SYT17: variants seen among roughly 807,000 people sequenced by gnomAD.
SYT17 encodes synaptotagmin 17.
A neutral mutation model predicts 46.7 loss-of-function variants in SYT17; 22 were observed. That is an observed-to-expected ratio of 0.47 (90% confidence interval 0.34 to 0.67). SYT17 has a LOEUF of 0.67. SYT17 is among the 30% of genes least tolerant of loss of function. The probability of loss-of-function intolerance (pLI) is 0.01; values close to 1 mark genes in which losing one functional copy is unlikely to be tolerated. For synonymous variants in SYT17, 251 were observed against 248.4 expected, an observed-to-expected ratio of 1.01 and a Z score of -0.10; for missense variants, 519 against 612.8, an observed-to-expected ratio of 0.85 and a Z score of 1.62.
At chr16:19,185,955 C>T (rs1964772449) in intron 5 of SYT17, among the ~76,000 whole-genome samples, 1 of 152,198 alleles carries the variant, frequency 6.6e-6, no homozygotes, top group African/African-American at 2.4e-5. Flanking sequence ...TTCCCGTTCA[C>T]TCCTGATGCT....
intron 7 of SYT17, among the ~76,000 whole-genome samples, chr16:19,246,656 T>C (rs1967598458): frequency 6.6e-6 from 1 of 152,198 alleles, no homozygotes; most frequent in Non-Finnish European, 1.5e-5. Flanking sequence ...CACATCTGGG[T>C]ATGTGTATGT....
At chr16:19,174,779 A>C (rs2142518080) in intron 3 of SYT17, among the ~76,000 whole-genome samples, 1 of 152,328 alleles carries the variant, frequency 6.6e-6, no homozygotes, top group South Asian at 2.1e-4. Flanking sequence ...TGGAATGTGG[A>C]AAAGTAGTTA....
intron 7 of SYT17, among the ~76,000 whole-genome samples, chr16:19,231,397 C>T (rs1037294653): frequency 6.6e-6 from 1 of 151,828 alleles, no homozygotes; most frequent in African/African-American, 2.4e-5. Flanking sequence ...ATGGTGTAAC[C>T]CCATTTCTAC....
intron 5 of SYT17, among the ~76,000 whole-genome samples, chr16:19,221,774 GATAA>G (rs1421502776): frequency 6.6e-6 from 1 of 152,194 alleles, no homozygotes; most frequent in Non-Finnish European, 1.5e-5. Flanking sequence ...AATAGACATA[GATAA>G]ATAGATGACT....
At chr16:19,231,469 G>A (rs1966680466) in intron 7 of SYT17, among the ~76,000 whole-genome samples, 1 of 124,660 alleles carries the variant, frequency 8.0e-6, no homozygotes, top group African/African-American at 3.1e-5. Flanking sequence ...TACTCGGGAG[G>A]CTAAGATCAT....
chr16:19,185,565 C>T (rs143348633), intron 5 of SYT17, among the ~76,000 whole-genome samples: 27 of 152,070 alleles, frequency 1.8e-4, no homozygotes, highest in Non-Finnish European at 2.9e-4. Context: ...CTCACTCCAG[C>T]TCACTCCAGC....
intron 1 of SYT17, chr16:19,171,306 TGATGATGATGATGATG>T (rs1567194998): frequency 1.8e-5 from 3 of 162,322 alleles, no homozygotes; most frequent in Non-Finnish European, 2.7e-5. Context: ...ATGATGATGA[TGATGATGATGATGATG>T]ATGATTATGA....
At chr16:19,266,305 C>T (rs1486854357) in intron 7 of SYT17, among the ~76,000 whole-genome samples, 1 of 152,210 alleles carries the variant, frequency 6.6e-6, no homozygotes, top group Non-Finnish European at 1.5e-5. Context: ...TGTCCGAAGA[C>T]ATTTGGGGTT....
chr16:19,244,026 G>T (rs1285142725), intron 7 of SYT17, among the ~76,000 whole-genome samples: 1 of 151,994 alleles, frequency 6.6e-6, no homozygotes, highest in Non-Finnish European at 1.5e-5. Flanking sequence ...CTCCTAACTT[G>T]GGCGAGGGGC....
chr16:19,262,290 C>T lies in SYT17; in HGVS notation c.1229-4590C>T, dbSNP rs75009939. On this transcript the variant is annotated intron_variant, in intron 7 of 7. Coordinates refer to ENST00000355377, the MANE Select transcript of SYT17 (RefSeq NM_016524.4). ...CTGTCCTCATGAATGGGGTTGGTGCCCTTATAACAGAAACCCAAGAGAACT... is the reference window on the plus strand; with the variant it reads ...CTGTCCTCATGAATGGGGTTGGTGCTCTTATAACAGAAACCCAAGAGAACT... 6.0e-3 allele frequency among the ~76,000 whole-genome samples: 908 copies of T among 152,182 alleles called. 2 individuals are homozygous for T. Among genetic ancestry groups the T allele is most frequent in the Non-Finnish European group, 7.2e-3 (491 of 68,014 alleles).
intron 7 of SYT17, among the ~76,000 whole-genome samples, chr16:19,253,190 A>G (rs1476132034): frequency 6.6e-6 from 1 of 152,214 alleles, no homozygotes; most frequent in African/African-American, 2.4e-5. Flanking sequence ...AGTGCAGCAA[A>G]GTTGAATGCT....
intron 5 of SYT17, among the ~76,000 whole-genome samples, chr16:19,191,878 G>A (rs1287809171): frequency 3.9e-5 from 6 of 151,918 alleles, no homozygotes; most frequent in African/African-American, 7.3e-5. Context: ...TCTGCCTCTC[G>A]GGTTCAAGTG....
Position 19,267,974 on chromosome 16 carries a change from A to C in SYT17, c.*898A>C. The C allele has an allele frequency of 1.3e-5, 1 of 75,852 alleles. No homozygotes were observed. Among genetic ancestry groups the C allele is most frequent in the African/African-American group, 4.5e-5 (1 of 22,298 alleles). The allele number at this position is 75,852 out of a possible 1,614,324, so 4.7% of individuals were successfully genotyped here. ...TGTGTGTGTGTGTGTGTGTGTGTGTAAAGTAAATAGGATATGATAGAGCAA... is the reference window on the plus strand; with the variant it reads ...TGTGTGTGTGTGTGTGTGTGTGTGTCAAGTAAATAGGATATGATAGAGCAA... On this transcript the variant is annotated 3_prime_UTR_variant, in exon 8 of 8. Coordinates refer to ENST00000355377, the MANE Select transcript of SYT17 (RefSeq NM_016524.4).
chr16:19,183,517 G>A lies in SYT17; in HGVS notation c.332-11G>A. ...GTGGCTGTCTTCATTGTTATTTCTG[G>A]TGGCTCTCAGGTCTTGAGTCAAGAC... is the stretch of plus-strand genomic sequence containing the variant. On this transcript the variant is annotated splice_polypyrimidine_tract_variant and intron_variant, in intron 4 of 7. Coordinates refer to ENST00000355377, the MANE Select transcript of SYT17 (RefSeq NM_016524.4). The surrounding 1 kb of genome is among the most constrained non-coding windows in gnomAD (Gnocchi z 5.6). 6.2e-7 allele frequency: 1 copy of A among 1,612,182 alleles called. No homozygotes were observed. Among genetic ancestry groups the A allele is most frequent in the Non-Finnish European group, 8.5e-7 (1 of 1,178,500 alleles).
At chr16:19,265,369 C>T (rs1348516779) in intron 7 of SYT17, among the ~76,000 whole-genome samples, 1 of 152,212 alleles carries the variant, frequency 6.6e-6, no homozygotes, top group Non-Finnish European at 1.5e-5. Flanking sequence ...GACAGGTACC[C>T]ATCCCTCTTG....
chr16:19,258,503 A>T lies in SYT17; in HGVS notation c.1229-8377A>T, dbSNP rs534899508. Among the ~76,000 whole-genome samples the T allele has an allele frequency of 3.9e-5, 6 of 152,194 alleles. No homozygotes were observed. The East Asian group carries it at 9.7e-4, about 25-fold the overall frequency. ...TAAAAAACACAAAAATTAGCCAGGC[A>T]TGGTGGTGCATACCTGTAGTCCCAG... On this transcript the variant is annotated intron_variant, in intron 7 of 7. Coordinates refer to ENST00000355377, the MANE Select transcript of SYT17 (RefSeq NM_016524.4).
intron 1 of SYT17, among the ~76,000 whole-genome samples, chr16:19,169,525 A>C (rs569768059): frequency 6.6e-6 from 1 of 152,318 alleles, no homozygotes; most frequent in East Asian, 1.9e-4. Context: ...ATCTTGGCTC[A>C]CATCTTGTCC....
At chr16:19,201,291 C>T (rs1458232953) in intron 5 of SYT17, among the ~76,000 whole-genome samples, 1 of 152,154 alleles carries the variant, frequency 6.6e-6, no homozygotes, top group African/African-American at 2.4e-5. Flanking sequence ...ACTCAGGCTT[C>T]CTTCATGGGG....
intron 1 of SYT17, chr16:19,171,732 G>T (rs1964102038): frequency 6.6e-6 from 1 of 151,892 alleles, no homozygotes. Context: ...TAATATCATA[G>T]GAAACCAAGA....
Sources: allele counts gnomAD v4.1 joint callset (sites outside exome capture counted in the v4.1 genomes callset), GRCh38; gene constraint gnomAD v4.1.1; non-coding constraint Gnocchi (gnomAD v3.1); transcripts MANE v1.5; gene names NCBI Gene and HGNC (gene_info 2026-07-23, HGNC 2026-07-21).